NCOA6: variants seen among roughly 807,000 people sequenced by gnomAD.
NCOA6 encodes the protein NRC RAP250.
Under a neutral mutation model 171.4 loss-of-function variants are expected in NCOA6, and 49 were observed. The observed-to-expected ratio is 0.29, with a 90% CI of 0.23 to 0.36. NCOA6 has a LOEUF of 0.36. Among genes scored for constraint, NCOA6 ranks in the 10% least tolerant of loss-of-function variants. The pLI, the probability that NCOA6 is intolerant of heterozygous loss-of-function variation, is 1.00. For synonymous variants in NCOA6, 910 were observed against 927.5 expected, an observed-to-expected ratio of 0.98 and a Z score of 0.34; for missense variants, 2,248 against 2,554.5, an observed-to-expected ratio of 0.88 and a Z score of 2.59.
At position 34,822,225 on chromosome 20, in the gene NCOA6, T is replaced by A. The variant is rs1181183693; in HGVS notation, c.-164+3247A>T. Among the ~76,000 whole-genome samples the A allele has an allele frequency of 3.3e-5, 5 of 152,090 alleles. No homozygotes were observed. In the East Asian group the frequency reaches 9.7e-4, roughly 29 times the overall value. On this transcript the variant is annotated intron_variant, in intron 1 of 14. Transcript: ENST00000359003. Reference sequence around the variant, plus strand: ...TAGAAATTAAACCTCCACCACATACTCCCCTTCTCGAAGATCTTGAATGCC... The same window carrying A: ...TAGAAATTAAACCTCCACCACATACACCCCTTCTCGAAGATCTTGAATGCC...
intron 1 of NCOA6, among the ~76,000 whole-genome samples, chr20:34,799,840 G>A (rs1472344142): frequency 1.3e-5 from 2 of 152,110 alleles, no homozygotes; most frequent in Admixed American, 6.5e-5. Flanking sequence ...TACAAGAAAC[G>A]CTAAAGGGAA....
At chr20:34,751,993 A>C (rs1200276160) in intron 8 of NCOA6, among the ~76,000 whole-genome samples, 12 of 152,094 alleles carry the variant, frequency 7.9e-5, no homozygotes, top group Admixed American at 7.9e-4. Context: ...CAGTAGCTGA[A>C]ACTAGAAGCG....
intron 1 of NCOA6, among the ~76,000 whole-genome samples, chr20:34,811,201 G>GCATATATATATATA (rs1555858016): frequency 1.9e-5 from 1 of 53,798 alleles, no homozygotes; most frequent in African/African-American, 6.8e-5. Flanking sequence ...ACAACAACGT[G>GCATATATATATATA]TATATATATA....
Position 34,749,437 on chromosome 20 carries a change from G to T in NCOA6, c.2758C>A (p.Pro920Thr), listed in dbSNP as rs1227218837. 6.2e-7 allele frequency: 1 copy of T among 1,610,980 alleles called. No individual in the cohort carries two copies. Among genetic ancestry groups the T allele is most frequent in the African/African-American group, 1.3e-5 (1 of 74,720 alleles). ...TGCTGACTATTTTTCTTCTTCCGAG[G>T]GGGTTTCTTCTTCTTCGGTTTATTT... Reference protein sequence around the residue: ...NANKPKKKKPPRKKKNSQQDL... With the variant: ...NANKPKKKKPTRKKKNSQQDL... Residue 920 changes from proline to threonine, a missense_variant, in exon 9 of 15, where the codon CCT becomes ACT. Physicochemically the swap from Pro to Thr is conservative, Grantham distance 38 (BLOSUM62 -1). Around this residue, in one of 7 missense-constraint regions of NCOA6, gnomAD observed 352 missense variants for 419.1 expected, o/e 0.84. Transcript: ENST00000359003.
chr20:34,748,742 A>C (rs1157134739), intron 9 of NCOA6, among the ~76,000 whole-genome samples: 1 of 152,238 alleles, frequency 6.6e-6, no homozygotes, highest in Non-Finnish European at 1.5e-5. Context: ...AAAAGGTCCA[A>C]TCATCTTAGC....
In NCOA6 at chr20:34,750,353, C is replaced by T. The variant is rs750034846; in HGVS notation, c.1842G>A (p.Gln614=). The part of the protein sequence containing the change: ...VNLSNMQGQP[Q]QGPPSQLMGM... ...CCATCAGCTGAGATGGTGGGCCCTGCTGGGGCTGGCCTTGCATGTTGCTGA... is the reference window on the plus strand; with the variant it reads ...CCATCAGCTGAGATGGTGGGCCCTGTTGGGGCTGGCCTTGCATGTTGCTGA... Residue 614 remains glutamine (Q), a synonymous_variant, in exon 9 of 15, where the codon CAG becomes CAA. Transcript: ENST00000359003. 3.7e-6 allele frequency: 6 copies of T among 1,614,108 alleles called. No individual in the cohort carries two copies. The highest frequency in any genetic ancestry group is 3.3e-5 in the South Asian group (3 of 91,074).
At position 34,736,769 on chromosome 20, in the gene NCOA6, G is replaced by A. The variant is rs1568731942; in HGVS notation, c.5894-11C>T. The A allele has an allele frequency of 7.0e-6, 11 of 1,577,860 alleles. No homozygotes were observed. In the Admixed American group the frequency reaches 7.2e-5, roughly 10 times the overall value. ...AATTCTGCGACGGGGCTAAGGCAAGGAAAAAAAAATTACAGACCTTTTACT... is the reference window on the plus strand; with the variant it reads ...AATTCTGCGACGGGGCTAAGGCAAGAAAAAAAAAATTACAGACCTTTTACT... On this transcript the variant is annotated splice_polypyrimidine_tract_variant and intron_variant, in intron 11 of 14. Coordinates refer to ENST00000359003, the MANE Select transcript of NCOA6 (RefSeq NM_014071.5).
chr20:34,749,053 GA>G (rs1408747333), intron 9 of NCOA6, among the ~76,000 whole-genome samples: 1 of 152,064 alleles, frequency 6.6e-6, no homozygotes. Context: ...CAAATTGTAA[GA>G]AAAAAATTTG....
chr20:34,740,481 C>A lies in NCOA6; in HGVS notation c.5775G>T (p.Glu1925Asp), dbSNP rs1438995176. 1.2e-6 allele frequency: 2 copies of A among 1,614,182 alleles called. No individual in the cohort carries two copies. The highest frequency in any genetic ancestry group is 1.7e-6 in the Non-Finnish European group (2 of 1,180,028). ...RSIVTTLVPS[E>D]LISAVPTTKS... ...TTGTGGTCGGTACGGCGGAGATGAG[C>A]TCGGAGGGTACCAGAGTGGTTACTA... Residue 1925 changes from glutamate (E) to aspartate (D), a missense_variant, in exon 11 of 15, where the codon GAG becomes GAT. Glu to Asp is a conservative substitution (Grantham distance 45). This residue lies in a region of NCOA6 where 884 missense variants were observed against 941.9 expected (regional missense o/e 0.94). Transcript: ENST00000359003.
intron 14 of NCOA6, among the ~76,000 whole-genome samples, chr20:34,720,344 A>C (rs1400227245): frequency 6.6e-6 from 1 of 152,242 alleles, no homozygotes. Context: ...TGTAATTATA[A>C]GTGACCCAAC....
chr20:34,748,223 GGTTGAT>G (rs1393764285), intron 9 of NCOA6, among the ~76,000 whole-genome samples: 2 of 151,954 alleles, frequency 1.3e-5, no homozygotes, highest in African/African-American at 4.8e-5. Context: ...TATTCCCATA[GGTTGAT>G]GCTAGTAAAG....
At chr20:34,767,510 G>A (rs1357831151) in intron 5 of NCOA6, among the ~76,000 whole-genome samples, 1 of 152,100 alleles carries the variant, frequency 6.6e-6, no homozygotes, top group Non-Finnish European at 1.5e-5. Context: ...TGGCCAGGCT[G>A]GTCTCGAACC....
At chr20:34,802,732 T>C (rs1036305581) in intron 1 of NCOA6, among the ~76,000 whole-genome samples, 4 of 152,380 alleles carry the variant, frequency 2.6e-5, no homozygotes, top group Middle Eastern at 6.8e-3. Flanking sequence ...TTTAATTATA[T>C]AATTACATTA....
intron 7 of NCOA6, 89 bp downstream of exon 7, chr20:34,757,131 C>T: frequency 5.3e-6 from 7 of 1,332,570 alleles, no homozygotes; most frequent in Non-Finnish European, 6.1e-6. Flanking sequence ...ATCCTTACTC[C>T]ACTCCCTCCA....
chr20:34,780,550 A>T (rs1157753170), intron 3 of NCOA6, among the ~76,000 whole-genome samples: 2 of 152,078 alleles, frequency 1.3e-5, no homozygotes, highest in Non-Finnish European at 2.9e-5. Flanking sequence ...AGGTTTCACC[A>T]TGTTGGCCGG....
chr20:34,758,192 G>T, intron 6 of NCOA6, 88 bp from the exon 7 acceptor site: 4 of 1,481,754 alleles, frequency 2.7e-6, no homozygotes, highest in Non-Finnish European at 3.6e-6. Context: ...GATATACAGA[G>T]CAAAATCTGC....
rs749208881 is a variant in NCOA6, at chr20:34,743,022, G to A, written c.3234C>T (p.Val1078=). ...AGGCAGGTCCTTGCAGACTGACCAT[G>A]ACAGGCACACTGCCACTCTGTTGCA... is the stretch of plus-strand genomic sequence containing the variant. ...MPMQQSGSVP[V]MVSLQGPASV... Residue 1078 remains valine (V), a synonymous_variant, in exon 11 of 15, where the codon GTC becomes GTT. Transcript: ENST00000359003. 1.9e-6 allele frequency: 3 copies of A among 1,613,760 alleles called. No individual in the cohort carries two copies. In the South Asian group the frequency reaches 3.3e-5, roughly 18 times the overall value.
intron 6 of NCOA6, 141 bp from the exon 7 acceptor site, chr20:34,758,245 G>T (rs1483343093): frequency 5.4e-6 from 6 of 1,116,410 alleles, no homozygotes; most frequent in Non-Finnish European, 7.4e-6. Flanking sequence ...TACCTTCTAT[G>T]TATGAAGCAA....
Position 34,741,642 on chromosome 20 carries a change from A to G in NCOA6, c.4614T>C (p.Ser1538=), listed in dbSNP as rs767144610. The change falls in exon 11 of 15, where the codon TCT becomes TCC. Residue 1538 remains serine, a synonymous_variant. Transcript: ENST00000359003. ...GGGAATTAGAAGGTTCTTTAGAAGA[A>G]GACAGATCCTGCAGTGTGGGAATGA... is the stretch of plus-strand genomic sequence containing the variant. ...ASVIPTLQDL[S]SSKEPSNSLN... The G allele has an allele frequency of 3.1e-6, 5 of 1,614,140 alleles. No individual in the cohort carries two copies. The highest frequency in any genetic ancestry group is 4.2e-6 in the Non-Finnish European group (5 of 1,180,058).
Sources: allele counts gnomAD v4.1 joint callset (sites outside exome capture counted in the v4.1 genomes callset), GRCh38; gene constraint gnomAD v4.1.1; regional missense constraint gnomAD v4.1.1; transcripts MANE v1.5; gene names NCBI Gene and HGNC (gene_info 2026-07-23, HGNC 2026-07-21).